KDM5B: variants seen among roughly 807,000 people sequenced by gnomAD.
KDM5B encodes the protein lysine demethylase 5B.
Under a neutral mutation model 193.4 loss-of-function variants are expected in KDM5B, and 144 were observed. That is an observed-to-expected ratio of 0.74 (90% CI 0.65 to 0.86). The LOEUF is 0.86. Ranked by LOEUF, KDM5B falls within the 40% of genes least tolerant of loss-of-function variation. The probability of loss-of-function intolerance (pLI) is 0.00; values close to 1 mark genes in which losing one functional copy is unlikely to be tolerated. For missense variants in KDM5B, 1,833 were observed against 1,886.9 expected, an observed-to-expected ratio of 0.97 and a Z score of 0.53; for synonymous variants, 668 against 682.6, an observed-to-expected ratio of 0.98 and a Z score of 0.33.
Position 202,781,209 on chromosome 1 carries a change from G to A in KDM5B, c.205-4115C>T, listed in dbSNP as rs78783022. 1.3e-3 allele frequency among the ~76,000 whole-genome samples: 200 copies of A among 152,310 alleles called. 2 individuals carry two copies. Among genetic ancestry groups the A allele is most frequent in the Middle Eastern group, 3.4e-3 (1 of 294 alleles). ...ACCTACTCAGGAGGCTAAGGCAGGA[G>A]GATGACTTAAGCCCAGGGGGCTTAA... On this transcript the variant is annotated intron_variant, in intron 1 of 26. Transcript: ENST00000367265.
rs551784316 is a variant in KDM5B at position 202,768,061 on chromosome 1, T to C, written c.577-1001A>G. Among the ~76,000 whole-genome samples, 7 of 152,292 alleles carry C rather than the reference T, an allele frequency of 4.6e-5. No individual in the cohort carries two copies. In the East Asian group the frequency reaches 9.7e-4, roughly 21 times the overall value. On this transcript the variant is annotated intron_variant, in intron 4 of 26. Transcript: ENST00000367265. ...ATTTGACTAAAGTAGTCTTCCTCACTAGGGTTTCCATTTACCACAGTATAT... is the reference window on the plus strand; with the variant it reads ...ATTTGACTAAAGTAGTCTTCCTCACCAGGGTTTCCATTTACCACAGTATAT...
At position 202,740,807 on chromosome 1, in the gene KDM5B, C is replaced by A; in HGVS notation, c.2951G>T (p.Arg984Leu). 6.2e-7 allele frequency: 1 copy of A among 1,607,730 alleles called. No individual in the cohort carries two copies. Among genetic ancestry groups the A allele is most frequent in the South Asian group, 1.1e-5 (1 of 90,450 alleles). The change falls in exon 20 of 27, where the codon CGA (arginine) becomes CTA (leucine). Residue 984 changes from arginine to leucine, a missense_variant. Transcript: ENST00000367265. ...KAKSLLKARP[R>L]HSLNSLATAV... ...CGTAGCAAGGCTATTCAATGAATGT[C>A]GTGGCCTACAAAATGCAAACAAAGA... is the stretch of plus-strand genomic sequence containing the variant.
intron 14 of KDM5B, among the ~76,000 whole-genome samples, chr1:202,747,995 C>A (rs907650215): frequency 4.6e-5 from 7 of 151,860 alleles, no homozygotes; most frequent in Non-Finnish European, 7.4e-5. Flanking sequence ...ACTCATACTA[C>A]CTGATTTCAA....
At position 202,798,855 on chromosome 1, in the gene KDM5B, TA is replaced by T. The variant is rs201403074; in HGVS notation, c.204+9246del. On this transcript the variant is annotated intron_variant, in intron 1 of 26. Transcript: ENST00000367265. The stretch of plus-strand genomic sequence containing the variant: ...CGGCAACACAGCAAGACCCTGTCCC[TA>T]AAAAAAAATAATAATTCTGGGTGTG... Among the ~76,000 whole-genome samples the T allele has an allele frequency of 2.7e-5, 4 of 150,680 alleles. No individual in the cohort carries two copies. The South Asian group carries it at 6.3e-4, about 24-fold the overall frequency.
At chr1:202,759,132 G>A (rs766845242) in intron 8 of KDM5B, among the ~76,000 whole-genome samples, 5 of 152,130 alleles carry the variant, frequency 3.3e-5, no homozygotes, top group Admixed American at 6.5e-5. Flanking sequence ...ACATAGCTAC[G>A]TGGAAAAGCA....
chr1:202,789,619 A>AGAGAAAGAAAAAGAGAAAGGGAAGGGAAG (rs1345416981), intron 1 of KDM5B, among the ~76,000 whole-genome samples: 1 of 147,440 alleles, frequency 6.8e-6, no homozygotes, highest in Non-Finnish European at 1.5e-5. Context: ...GGGGAATGGA[A>AGAGAAAGAAAAAGAGAAAGGGAAGGGAAG]AGGAAAGGAA....
intron 20 of KDM5B, among the ~76,000 whole-genome samples, chr1:202,740,046 G>A (rs550687845): frequency 2.6e-5 from 4 of 152,276 alleles, no homozygotes; most frequent in African/African-American, 9.6e-5. Flanking sequence ...TCCCAGTAGG[G>A]GCAGCCGGGC....
intron 9 of KDM5B, among the ~76,000 whole-genome samples, chr1:202,757,095 G>C (rs1337098205): frequency 9.9e-6 from 1 of 100,688 alleles, no homozygotes; most frequent in Non-Finnish European, 2.4e-5. Context: ...GGGCTGGGAG[G>C]TGGGGGGGGG....
At chr1:202,744,152 A>T (rs1655458370) in intron 16 of KDM5B, among the ~76,000 whole-genome samples, 1 of 152,264 alleles carries the variant, frequency 6.6e-6, no homozygotes, top group South Asian at 2.1e-4. Flanking sequence ...AAAAAACATT[A>T]AAAAGTAGGC....
intron 1 of KDM5B, among the ~76,000 whole-genome samples, chr1:202,783,526 A>G (rs917906228): frequency 6.6e-6 from 1 of 152,130 alleles, no homozygotes; most frequent in Non-Finnish European, 1.5e-5. Flanking sequence ...AACAAACAAA[A>G]AAACTTGAAA....
In KDM5B at chr1:202,752,928, T is replaced by A; in HGVS notation, c.1678A>T (p.Thr560Ser). The A allele has an allele frequency of 6.2e-7, 1 of 1,613,584 alleles. No individual in the cohort carries two copies. The highest frequency in any genetic ancestry group is 8.5e-7 in the Non-Finnish European group (1 of 1,179,778). The stretch of plus-strand genomic sequence containing the variant: ...ACAGGCACTTCATGAGTCATCAGGG[T>A]ATTGGGGTTCATGATGGTCACAAGC... The part of the protein sequence containing the change: ...HQLVTIMNPN[T>S]LMTHEVPVYR... The change falls in exon 12 of 27, where the codon ACC becomes TCC. Residue 560 changes from threonine to serine, a missense_variant. Physicochemically the swap from Thr to Ser is moderately conservative, Grantham distance 58. Around this residue, in one of 3 missense-constraint regions of KDM5B, gnomAD observed 1,379 missense variants for 1,349.6 expected, o/e 1.02. Coordinates refer to ENST00000367265, the MANE Select transcript of KDM5B (RefSeq NM_006618.5).
At chr1:202,734,298 A>T (rs959922096) in intron 22 of KDM5B, among the ~76,000 whole-genome samples, 2 of 21,108 alleles carry the variant, frequency 9.5e-5, no homozygotes, top group Non-Finnish European at 6.3e-4. Flanking sequence ...TATCTCTATT[A>T]AAAAAAAAAA....
rs549977807 is a variant in KDM5B, at chr1:202,753,888, C to T, written c.1539-821G>A. On this transcript the variant is annotated intron_variant, in intron 11 of 26. Transcript: ENST00000367265. ...TTTCACCATGTTGCCAGGCTGGTCT[C>T]GAACTCCTGACCTCAGGTGAACCGC... 7.9e-5 allele frequency among the ~76,000 whole-genome samples: 12 copies of T among 151,946 alleles called. No individual in the cohort carries two copies. In the South Asian group the frequency reaches 2.5e-3, roughly 32 times the overall value.
intron 5 of KDM5B, among the ~76,000 whole-genome samples, chr1:202,764,503 C>A (rs1656369545): frequency 6.6e-6 from 1 of 152,012 alleles, no homozygotes; most frequent in Non-Finnish European, 1.5e-5. Context: ...GGCATGGTGG[C>A]ACGCACCTGT....
rs1654689523 is a variant in KDM5B, at chr1:202,726,815, G to C, written c.*2221C>G. On this transcript the variant is annotated 3_prime_UTR_variant, in exon 27 of 27. Coordinates refer to ENST00000367265, the MANE Select transcript of KDM5B (RefSeq NM_006618.5). ...ATCTGTGTTCATTAGTAGTGTGATG[G>C]TGTACAAGGTAGGAGGAATACTGTA... 2.0e-5 allele frequency: 3 copies of C among 152,228 alleles called. No homozygotes were observed. The South Asian group carries it at 6.2e-4, about 32-fold the overall frequency. 9.4% of individuals were successfully genotyped at this position (152,228 alleles called of 1,614,324 possible).
At chr1:202,742,295 T>C in intron 18 of KDM5B, 96 bp downstream of exon 18, 1 of 814,052 alleles carries the variant, frequency 1.2e-6, no homozygotes, top group Non-Finnish European at 2.0e-6. Flanking sequence ...ATGTACATAT[T>C]AATCATCAAA....
rs1655557043 is a variant in KDM5B at position 202,746,300 on chromosome 1, C to T, written c.2040G>A (p.Met680Ile). The change falls in exon 15 of 27, where the codon ATG becomes ATA. Residue 680 changes from methionine (M) to isoleucine (I), a missense_variant. Around this residue, in one of 3 missense-constraint regions of KDM5B, gnomAD observed 1,379 missense variants for 1,349.6 expected, o/e 1.02. Transcript: ENST00000367265. ...CATCATCTGGCAACAGCTCAAAATC[C>T]ATTCTTTCCGAATCAATCACTCCCT... ...RKLGVIDSER[M>I]DFELLPDDER... The T allele has an allele frequency of 6.2e-7, 1 of 1,610,240 alleles. No homozygotes were observed. Among genetic ancestry groups the T allele is most frequent in the Non-Finnish European group, 8.5e-7 (1 of 1,178,396 alleles).
In KDM5B at chr1:202,749,190, C is replaced by G. The variant is rs947787168; in HGVS notation, c.1822-51G>C. On this transcript the variant is annotated intron_variant, in intron 13 of 26. Transcript: ENST00000367265. ...AATAACATTCATCTTTCTTCTATTT[C>G]CAAACACCTCTGACCCATTATTATC... is the stretch of plus-strand genomic sequence containing the variant. 14 of 1,483,928 alleles carry G rather than the reference C, an allele frequency of 9.4e-6. No individual in the cohort carries two copies. The African/African-American group carries it at 9.7e-5, about 10-fold the overall frequency. The allele number at this position is 1,483,928 out of a possible 1,614,324, so 91.9% of individuals were successfully genotyped here.
chr1:202,738,483 G>C (rs779628942), intron 20 of KDM5B, among the ~76,000 whole-genome samples: 3 of 152,198 alleles, frequency 2.0e-5, no homozygotes, highest in Non-Finnish European at 4.4e-5. Flanking sequence ...GCTGGAGTCA[G>C]TCCTTAATTA....
Sources: gnomAD v4.1 joint callset for allele counts (sites outside exome capture counted in the v4.1 genomes callset) on GRCh38, gnomAD v4.1.1 for gene constraint, gnomAD v4.1.1 regional missense constraint, MANE v1.5 for transcripts, NCBI Gene and HGNC (gene_info 2026-07-23, HGNC 2026-07-21) for gene names.